KLHL29: variants seen among roughly 807,000 people sequenced by gnomAD.
KLHL29 encodes kelch like family member 29.
In KLHL29, 21 loss-of-function variants were observed where a neutral mutation model predicts 80.4. The observed-to-expected ratio is 0.26, with a 90% CI of 0.19 to 0.38. The LOEUF is 0.38. Among genes scored for constraint, KLHL29 ranks in the 10% least tolerant of loss-of-function variants. The pLI, the probability that KLHL29 is intolerant of heterozygous loss-of-function variation, is 1.00. For synonymous variants in KLHL29, 511 were observed against 526.8 expected, an observed-to-expected ratio of 0.97 and a Z score of 0.41; for missense variants, 867 against 1,223.9, an observed-to-expected ratio of 0.71 and a Z score of 4.35.
At chr2:23,586,026 A>C (rs867176321) in intron 3 of KLHL29, among the ~76,000 whole-genome samples, 1 of 152,170 alleles carries the variant, frequency 6.6e-6, no homozygotes, top group South Asian at 2.1e-4. Flanking sequence ...AGCCAGGACT[A>C]TGCAGAACGA....
intron 2 of KLHL29, among the ~76,000 whole-genome samples, chr2:23,511,749 T>G (rs1286024779): frequency 3.3e-5 from 5 of 152,236 alleles, no homozygotes; most frequent in Non-Finnish European, 7.3e-5. Context: ...AAGGTTTGTT[T>G]GCTGGCTTAA....
chr2:23,481,441 G>A (rs1167912749), intron 2 of KLHL29, among the ~76,000 whole-genome samples: 1 of 152,226 alleles, frequency 6.6e-6, no homozygotes, highest in African/African-American at 2.4e-5. Context: ...GAGTAGAAAG[G>A]TTCCTGCTTT....
intron 2 of KLHL29, among the ~76,000 whole-genome samples, chr2:23,476,976 G>T (rs553239744): frequency 6.6e-6 from 1 of 152,268 alleles, no homozygotes; most frequent in Non-Finnish European, 1.5e-5. Context: ...GCTACTGAAG[G>T]GACAGGAGCT....
intron 1 of KLHL29, among the ~76,000 whole-genome samples, chr2:23,438,706 G>A (rs1367170940): frequency 1.0e-4 from 15 of 150,554 alleles, no homozygotes; most frequent in South Asian, 4.2e-4. Flanking sequence ...TGCTGGATTT[G>A]GTTTGCCAGT....
chr2:23,421,955 CTG>C (rs556842507), intron 1 of KLHL29, among the ~76,000 whole-genome samples: 204 of 148,688 alleles, frequency 1.4e-3, no homozygotes, highest in South Asian at 3.5e-3. Flanking sequence ...CTTTGTGTGT[CTG>C]TGTGTGTCAT....
intron 1 of KLHL29, among the ~76,000 whole-genome samples, chr2:23,418,410 T>C (rs558394943): frequency 2.8e-4 from 43 of 152,032 alleles, no homozygotes; most frequent in African/African-American, 9.6e-4. Flanking sequence ...GTCCAAGCAA[T>C]TTGTGGCCTA....
At chr2:23,561,249 C>T (rs1287018677) in intron 2 of KLHL29, among the ~76,000 whole-genome samples, 2 of 152,174 alleles carry the variant, frequency 1.3e-5, no homozygotes, top group East Asian at 1.9e-4. Context: ...GAGAGTAACA[C>T]CAGGCCCTGG....
Position 23,700,884 on chromosome 2 carries a change from C to T in KLHL29, c.2106-2302C>T, listed in dbSNP as rs74777592. On this transcript the variant is annotated intron_variant, in intron 11 of 13. Coordinates refer to ENST00000486442, the MANE Select transcript of KLHL29 (RefSeq NM_052920.2). The surrounding 1 kb of genome is among the most constrained non-coding windows in gnomAD (Gnocchi z 4.6). ...TGGGACCTTGGCTGCCCTCTGAGGA[C>T]GCCTCTCAGCTCCCCTCTTAAAGAC... 5.1e-4 allele frequency among the ~76,000 whole-genome samples: 77 copies of T among 152,220 alleles called. No individual in the cohort carries two copies. Among genetic ancestry groups the T allele is most frequent in the East Asian group, 2.3e-3 (12 of 5,168 alleles).
intron 1 of KLHL29, among the ~76,000 whole-genome samples, chr2:23,425,135 T>G (rs779793132): frequency 6.6e-6 from 1 of 152,240 alleles, no homozygotes; most frequent in Non-Finnish European, 1.5e-5. Flanking sequence ...AATGCTCATT[T>G]AATATAATCC....
At chr2:23,400,151 C>G (rs1046713708) in intron 1 of KLHL29, among the ~76,000 whole-genome samples, 5 of 152,122 alleles carry the variant, frequency 3.3e-5, no homozygotes, top group African/African-American at 1.2e-4. Context: ...GGTTGACGTC[C>G]CTGAGCTGTG....
intron 1 of KLHL29, among the ~76,000 whole-genome samples, chr2:23,419,997 C>T (rs1662743765): frequency 6.6e-6 from 1 of 152,174 alleles, no homozygotes; most frequent in South Asian, 2.1e-4. Flanking sequence ...ATAAGGGCGT[C>T]CAGTGCTTTC....
At chr2:23,676,383 C>G (rs1218630134) in intron 5 of KLHL29, among the ~76,000 whole-genome samples, 1 of 152,164 alleles carries the variant, frequency 6.6e-6, no homozygotes, top group Non-Finnish European at 1.5e-5. Context: ...GGGGTTTCAC[C>G]GTGTTAGCCA....
intron 11 of KLHL29, among the ~76,000 whole-genome samples, chr2:23,699,035 A>G (rs1201173612): frequency 6.6e-6 from 1 of 152,222 alleles, no homozygotes; most frequent in African/African-American, 2.4e-5. Flanking sequence ...CACTTACTCC[A>G]TTGCATATAA....
intron 2 of KLHL29, among the ~76,000 whole-genome samples, chr2:23,480,630 A>G (rs749296889): frequency 6.6e-6 from 1 of 152,236 alleles, no homozygotes; most frequent in Non-Finnish European, 1.5e-5. Flanking sequence ...CCTGAATTCT[A>G]TGGCTTGAGG....
intron 2 of KLHL29, among the ~76,000 whole-genome samples, chr2:23,520,553 G>A (rs1666059991): frequency 6.6e-6 from 1 of 152,214 alleles, no homozygotes; most frequent in Non-Finnish European, 1.5e-5. Flanking sequence ...TCAGGCCACT[G>A]CCCTGACCTC....
chr2:23,610,447 T>G (rs1032975225), intron 3 of KLHL29, among the ~76,000 whole-genome samples: 2 of 152,204 alleles, frequency 1.3e-5, no homozygotes, highest in African/African-American at 4.8e-5. Flanking sequence ...AATTGGTGCT[T>G]TAAGAGGCTT....
At position 23,529,694 on chromosome 2, in the gene KLHL29, G is replaced by A. The variant is rs144969940; in HGVS notation, c.-45-32458G>A. 6.1e-3 allele frequency among the ~76,000 whole-genome samples: 925 copies of A among 152,318 alleles called. 8 individuals are homozygous for A. The highest frequency in any genetic ancestry group is 0.021 in the African/African-American group (861 of 41,552). Reference sequence around the variant, plus strand: ...GGCTGTTTTCAAGGGCTGGTTTGGGGAGTAGAGTATAATAGGTCTAGTACA... The same window carrying A: ...GGCTGTTTTCAAGGGCTGGTTTGGGAAGTAGAGTATAATAGGTCTAGTACA... On this transcript the variant is annotated intron_variant, in intron 2 of 13. Coordinates refer to ENST00000486442, the MANE Select transcript of KLHL29 (RefSeq NM_052920.2).
intron 3 of KLHL29, among the ~76,000 whole-genome samples, chr2:23,634,541 G>GGTGCTGTGTTCTA (rs1669557936): frequency 6.6e-6 from 1 of 152,116 alleles, no homozygotes; most frequent in Admixed American, 6.5e-5. Context: ...AACAGTGGAG[G>GGTGCTGTGTTCTA]GTGCTGTGTT....
rs74950071 is a variant in KLHL29, at chr2:23,494,825, G to T, written c.-46+19158G>T. On this transcript the variant is annotated intron_variant, in intron 2 of 13. Coordinates refer to ENST00000486442, the MANE Select transcript of KLHL29 (RefSeq NM_052920.2). The stretch of plus-strand genomic sequence containing the variant: ...TCTCCCTGCTTTCCGGGCTCCTTCT[G>T]TCTTCTTTCCACACACCCAGTTGCC... Among the ~76,000 whole-genome samples, 1,055 of 152,250 alleles carry T rather than the reference G, an allele frequency of 6.9e-3. 13 individuals are homozygous for T. Among genetic ancestry groups the T allele is most frequent in the African/African-American group, 0.025 (1,019 of 41,538 alleles).
Sources: allele counts gnomAD v4.1 joint callset (sites outside exome capture counted in the v4.1 genomes callset), GRCh38; gene constraint gnomAD v4.1.1; non-coding constraint Gnocchi (gnomAD v3.1); transcripts MANE v1.5; gene names NCBI Gene and HGNC (gene_info 2026-07-23, HGNC 2026-07-21).